Variants in RAB31 observed in about 807,000 individuals in gnomAD.
The protein encoded by RAB31 is ras-related protein Rab-31.
In RAB31, 21 loss-of-function variants were observed where a neutral mutation model predicts 25.6. That is an observed-to-expected ratio of 0.82 (90% confidence interval 0.58 to 1.18). The LOEUF (loss-of-function observed/expected upper bound fraction) is 1.18, where lower values mean the gene tolerates loss of function less well. Among genes scored for constraint, RAB31 ranks in the 50% most tolerant of loss-of-function variants. The pLI, the probability that RAB31 is intolerant of heterozygous loss-of-function variation, is 0.00. For synonymous variants in RAB31, 87 were observed against 84.0 expected (o/e 1.04, Z -0.20); for missense variants, 196 against 250.1 (o/e 0.78, Z 1.46).
At chr18:9,738,432 G>A (rs2068161450) in intron 1 of RAB31, among the ~76,000 whole-genome samples, 1 of 152,174 alleles carries the variant, frequency 6.6e-6, no homozygotes, top group Admixed American at 6.5e-5. Flanking sequence ...AGGGGCGGAA[G>A]GTTGAGTTGA....
intron 5 of RAB31, among the ~76,000 whole-genome samples, chr18:9,822,950 A>G (rs1310299270): frequency 6.6e-6 from 1 of 152,158 alleles, no homozygotes; most frequent in Non-Finnish European, 1.5e-5. Flanking sequence ...GTTCACACAA[A>G]ACCTGCACAT....
Position 9,798,150 on chromosome 18 carries a change from G to A in RAB31, c.201+5915G>A, listed in dbSNP as rs938078409. Reference sequence around the variant, plus strand: ...TCTTTCTTTATACTTCGAGGAAGACGGATTTAGTTTGGGATAACGATTTCA... The same window carrying A: ...TCTTTCTTTATACTTCGAGGAAGACAGATTTAGTTTGGGATAACGATTTCA... On this transcript the variant is annotated intron_variant, in intron 3 of 6. Transcript: ENST00000578921. Among the ~76,000 whole-genome samples, 46 of 152,312 alleles carry A rather than the reference G, an allele frequency of 3.0e-4. 1 individual carries two copies. Among genetic ancestry groups the A allele is most frequent in the African/African-American group, 1.1e-3 (46 of 41,552 alleles).
intron 1 of RAB31, among the ~76,000 whole-genome samples, chr18:9,732,373 A>G (rs1300714574): frequency 6.6e-6 from 1 of 152,202 alleles, no homozygotes; most frequent in Non-Finnish European, 1.5e-5. Flanking sequence ...CCACTGCAGC[A>G]GGGCAGGGCT....
intron 3 of RAB31, among the ~76,000 whole-genome samples, chr18:9,801,571 G>A (rs148748562): frequency 3.3e-5 from 5 of 152,206 alleles, no homozygotes; most frequent in East Asian, 1.9e-4. Flanking sequence ...GTAAGCCACC[G>A]TGCCCGGCCA....
chr18:9,780,263 G>GT lies in RAB31; in HGVS notation c.119+4915dup, dbSNP rs537836039. 9.4e-4 allele frequency among the ~76,000 whole-genome samples: 140 copies of GT among 149,426 alleles called. 2 individuals are homozygous for GT. Among genetic ancestry groups the GT allele is most frequent in the African/African-American group, 3.2e-3 (131 of 40,790 alleles). On this transcript the variant is annotated intron_variant, in intron 2 of 6. Coordinates refer to ENST00000578921, the MANE Select transcript of RAB31 (RefSeq NM_006868.4). ...AACTAGGAATCTTAGTGTACATACA[G>GT]TTTTTTTTTACTCTGTGTTTTCTAC...
chr18:9,711,110 C>G (rs2068014759), intron 1 of RAB31, among the ~76,000 whole-genome samples: 1 of 152,124 alleles, frequency 6.6e-6, no homozygotes, highest in African/African-American at 2.4e-5. Flanking sequence ...TAGGCTGATT[C>G]TCTGGGTGGG....
At chr18:9,805,383 CT>C (rs2068535112) in intron 3 of RAB31, among the ~76,000 whole-genome samples, 1 of 151,988 alleles carries the variant, frequency 6.6e-6, no homozygotes, top group Non-Finnish European at 1.5e-5. Context: ...GTTTCCTTGC[CT>C]TTTTCAGAGA....
chr18:9,773,302 C>T (rs2068354871), intron 1 of RAB31, among the ~76,000 whole-genome samples: 1 of 152,168 alleles, frequency 6.6e-6, no homozygotes, highest in African/African-American at 2.4e-5. Flanking sequence ...TGAAGAAAAC[C>T]ACATTTCTCT....
At position 9,824,281 on chromosome 18, in the gene RAB31, GATGTGTGTGT is replaced by G. The variant is rs550905187; in HGVS notation, c.380+9071_380+9080del. ...GAGTGTGTGTGTAGATGTGTATGTA[GATGTGTGTGT>G]ATGTGTGTGTAGATGTGTATGTGTG... On this transcript the variant is annotated intron_variant, in intron 5 of 6. Transcript: ENST00000578921. Among the ~76,000 whole-genome samples, 339 of 146,620 alleles carry G rather than the reference GATGTGTGTGT, an allele frequency of 2.3e-3. 1 individual carries two copies. The highest frequency in any genetic ancestry group is 7.9e-3 in the African/African-American group (315 of 39,654).
intron 1 of RAB31, among the ~76,000 whole-genome samples, chr18:9,768,184 T>C (rs992596063): frequency 1.3e-5 from 2 of 152,234 alleles, no homozygotes; most frequent in Non-Finnish European, 2.9e-5. Context: ...TGTGTCTTTA[T>C]AGTAGAATGA....
At chr18:9,797,149 A>G (rs1240910488) in intron 3 of RAB31, among the ~76,000 whole-genome samples, 3 of 152,220 alleles carry the variant, frequency 2.0e-5, no homozygotes, top group African/African-American at 7.2e-5. Flanking sequence ...GACCCATTCA[A>G]GGAAAAATGT....
intron 1 of RAB31, among the ~76,000 whole-genome samples, chr18:9,760,314 C>T (rs1033730386): frequency 6.6e-6 from 1 of 152,070 alleles, no homozygotes; most frequent in Non-Finnish European, 1.5e-5. Context: ...GCTGGGACTA[C>T]AGGTGTGCAC....
At chr18:9,829,373 T>C (rs928929714) in intron 5 of RAB31, among the ~76,000 whole-genome samples, 1 of 152,268 alleles carries the variant, frequency 6.6e-6, no homozygotes, top group African/African-American at 2.4e-5. Context: ...CAGATTCACC[T>C]GATGGGGGTT....
chr18:9,767,253 C>T (rs932159798), intron 1 of RAB31, among the ~76,000 whole-genome samples: 4 of 152,042 alleles, frequency 2.6e-5, no homozygotes, highest in African/African-American at 9.7e-5. Context: ...ATCATGTATG[C>T]CATAATTTTT....
intron 1 of RAB31, among the ~76,000 whole-genome samples, chr18:9,720,028 A>G (rs1161606048): frequency 1.3e-5 from 2 of 151,894 alleles, no homozygotes; most frequent in Admixed American, 6.6e-5. Flanking sequence ...CAGTGGCACA[A>G]TCTCGGCTCA....
chr18:9,855,175 A>G (rs1301766814), intron 6 of RAB31, among the ~76,000 whole-genome samples: 2 of 152,170 alleles, frequency 1.3e-5, no homozygotes, highest in Non-Finnish European at 2.9e-5. Flanking sequence ...TTGTTTTCAC[A>G]TACTGTGTTC....
At chr18:9,819,316 T>G (rs2068614097) in intron 5 of RAB31, among the ~76,000 whole-genome samples, 1 of 152,150 alleles carries the variant, frequency 6.6e-6, no homozygotes, top group African/African-American at 2.4e-5. Flanking sequence ...CACCAGTTGT[T>G]GAAGAGATGG....
In RAB31 at chr18:9,766,480, G is replaced by A. The variant is rs530007102; in HGVS notation, c.40-8798G>A. Among the ~76,000 whole-genome samples the A allele has an allele frequency of 1.8e-4, 28 of 152,314 alleles. No individual in the cohort carries two copies. Among genetic ancestry groups the A allele is most frequent in the African/African-American group, 6.5e-4 (27 of 41,568 alleles). ...TATGCTGGTGTCCCAGGTGCCTGAT[G>A]GGACCTTTACTTCTTTTGGTCACCT... On this transcript the variant is annotated intron_variant, in intron 1 of 6. Transcript: ENST00000578921. The surrounding 1 kb of genome is among the most constrained non-coding windows in gnomAD (Gnocchi z 4.3).
At chr18:9,851,003 G>A (rs1452540505) in intron 6 of RAB31, among the ~76,000 whole-genome samples, 1 of 152,174 alleles carries the variant, frequency 6.6e-6, no homozygotes, top group African/African-American at 2.4e-5. Flanking sequence ...TCTTGTTCTG[G>A]AAACATTTGT....
Sources: gnomAD v4.1 joint callset for allele counts (sites outside exome capture counted in the v4.1 genomes callset) on GRCh38, gnomAD v4.1.1 for gene constraint, Gnocchi (gnomAD v3.1) non-coding constraint, MANE v1.5 for transcripts, NCBI Gene and HGNC (gene_info 2026-07-23, HGNC 2026-07-21) for gene names.